CSMD3: variants seen among roughly 807,000 people sequenced by gnomAD.
CSMD3 encodes the protein CUB and sushi domain-containing protein 3.
A neutral mutation model predicts 435.2 loss-of-function variants in CSMD3; 177 were observed. The observed-to-expected ratio is 0.41, with a 90% CI of 0.36 to 0.46. The LOEUF is 0.46. CSMD3 is among the 20% of genes least tolerant of loss of function. The probability of loss-of-function intolerance (pLI) is 0.34; values close to 1 mark genes in which losing one functional copy is unlikely to be tolerated. For missense variants in CSMD3, 4,265 were observed against 4,504.6 expected, an observed-to-expected ratio of 0.95 and a Z score of 1.52; for synonymous variants, 1,656 against 1,520.5, an observed-to-expected ratio of 1.09 and a Z score of -2.07.
intron 10 of CSMD3, among the ~76,000 whole-genome samples, chr8:112,874,003 G>A (rs1344404110): frequency 6.6e-6 from 1 of 151,828 alleles, no homozygotes; most frequent in African/African-American, 2.4e-5. Flanking sequence ...GTGATGTTAG[G>A]GTGTCGATTT....
At chr8:112,964,858 T>C (rs2084359230) in intron 7 of CSMD3, among the ~76,000 whole-genome samples, 1 of 151,918 alleles carries the variant, frequency 6.6e-6, no homozygotes, top group Non-Finnish European at 1.5e-5. Flanking sequence ...AATGATGTAA[T>C]TGTGAAGAGA....
chr8:112,671,831 T>C (rs2075663352), intron 16 of CSMD3, among the ~76,000 whole-genome samples: 1 of 152,098 alleles, frequency 6.6e-6, no homozygotes, highest in Non-Finnish European at 1.5e-5. Flanking sequence ...CAGAAATAGA[T>C]GAAAAGTCAG....
chr8:112,242,963 C>T (rs1181214989), intron 65 of CSMD3, among the ~76,000 whole-genome samples: 1 of 151,664 alleles, frequency 6.6e-6, no homozygotes, highest in African/African-American at 2.4e-5. Flanking sequence ...AAGTAGAAAA[C>T]AATCAGTGTA....
chr8:112,407,686 A>C (rs1831979081), intron 34 of CSMD3, among the ~76,000 whole-genome samples: 1 of 152,086 alleles, frequency 6.6e-6, no homozygotes, highest in Admixed American at 6.6e-5. Flanking sequence ...TACATTTCTT[A>C]GTAATAAAGT....
intron 17 of CSMD3, among the ~76,000 whole-genome samples, chr8:112,657,294 C>T (rs1168957500): frequency 1.3e-5 from 2 of 152,032 alleles, no homozygotes; most frequent in East Asian, 1.9e-4. Context: ...AAGTCCTGAC[C>T]TCAAGTGATC....
chr8:113,104,296 C>T (rs2090414588), intron 4 of CSMD3, among the ~76,000 whole-genome samples: 1 of 152,082 alleles, frequency 6.6e-6, no homozygotes, highest in South Asian at 2.1e-4. Flanking sequence ...TACAATTCTC[C>T]TTTGCTAAAT....
At chr8:112,462,755 A>G (rs1817578985) in intron 32 of CSMD3, among the ~76,000 whole-genome samples, 1 of 152,166 alleles carries the variant, frequency 6.6e-6, no homozygotes, top group African/African-American at 2.4e-5. Flanking sequence ...AACTGTTGAC[A>G]ACTTTCAAGC....
chr8:112,543,651 CT>C (rs1826889208), intron 27 of CSMD3, among the ~76,000 whole-genome samples: 1 of 152,030 alleles, frequency 6.6e-6, no homozygotes, highest in South Asian at 2.1e-4. Flanking sequence ...GTGCCAGCCA[CT>C]ATGGAAAATA....
At chr8:113,206,329 ACT>A (rs1314635991) in intron 3 of CSMD3, among the ~76,000 whole-genome samples, 2 of 151,848 alleles carry the variant, frequency 1.3e-5, no homozygotes, top group Admixed American at 1.3e-4. Flanking sequence ...AAAATTCTAT[ACT>A]CTTTTTCCAT....
intron 38 of CSMD3, among the ~76,000 whole-genome samples, chr8:112,358,154 C>T (rs1192371756): frequency 6.6e-6 from 1 of 152,124 alleles, no homozygotes; most frequent in Non-Finnish European, 1.5e-5. Context: ...ATGACTGCCC[C>T]ATTTGATTTT....
intron 13 of CSMD3, among the ~76,000 whole-genome samples, chr8:112,735,265 G>A (rs150281759): frequency 3.8e-4 from 58 of 152,044 alleles, no homozygotes; most frequent in Non-Finnish European, 7.4e-4. Context: ...TACAAACATT[G>A]AAAACTCTGA....
chr8:113,240,533 T>C (rs55879866), intron 3 of CSMD3, among the ~76,000 whole-genome samples: 15,843 of 152,210 alleles, frequency 0.1, 962 homozygotes, highest in Middle Eastern at 0.17. Context: ...GGTTATAGTG[T>C]AAACTTTCTA....
intron 31 of CSMD3, among the ~76,000 whole-genome samples, chr8:112,477,931 G>T (rs1819229791): frequency 6.6e-6 from 1 of 152,136 alleles, no homozygotes; most frequent in Admixed American, 6.5e-5. Flanking sequence ...AAAGAACCTG[G>T]TGGGAGGTCA....
At chr8:112,440,762 G>A (rs1282725062) in intron 32 of CSMD3, among the ~76,000 whole-genome samples, 1 of 152,128 alleles carries the variant, frequency 6.6e-6, no homozygotes, top group Admixed American at 6.5e-5. Context: ...TGAAGCAATG[G>A]CCCAGGCTAT....
At chr8:112,459,770 G>T (rs374902458) in intron 32 of CSMD3, among the ~76,000 whole-genome samples, 1 of 152,204 alleles carries the variant, frequency 6.6e-6, no homozygotes, top group African/African-American at 2.4e-5. Context: ...TCATAATCTG[G>T]TCTCTGCCTT....
intron 1 of CSMD3, among the ~76,000 whole-genome samples, chr8:113,428,204 A>ATATC (rs36077177): frequency 0.05 from 7,330 of 146,132 alleles, 180 homozygotes; most frequent in East Asian, 0.082. Context: ...CAACTGTGGG[A>ATATC]TATCTATCTA....
chr8:112,271,334 A>C (rs1586607997), intron 59 of CSMD3, among the ~76,000 whole-genome samples: 1 of 152,320 alleles, frequency 6.6e-6, no homozygotes, highest in Non-Finnish European at 1.5e-5. Flanking sequence ...AATTTTGCAG[A>C]ATTCAAATTG....
intron 9 of CSMD3, among the ~76,000 whole-genome samples, chr8:112,929,823 CA>C (rs1564116534): frequency 6.6e-6 from 1 of 151,858 alleles, no homozygotes. Context: ...ACTTAAGTGG[CA>C]AAATATAATC....
chr8:112,920,417 T>A (rs2082699493), intron 10 of CSMD3, among the ~76,000 whole-genome samples: 1 of 151,900 alleles, frequency 6.6e-6, no homozygotes, highest in African/African-American at 2.4e-5. Context: ...CATCATTTAA[T>A]TATATTCATA....
Sources: gnomAD v4.1 joint callset for allele counts (sites outside exome capture counted in the v4.1 genomes callset) on GRCh38, gnomAD v4.1.1 for gene constraint, MANE v1.5 for transcripts, NCBI Gene and HGNC (gene_info 2026-07-23, HGNC 2026-07-21) for gene names.